NELL1: variants seen among roughly 807,000 people sequenced by gnomAD.
The protein encoded by NELL1 is neural EGFL like 1.
Under a neutral mutation model 107.4 loss-of-function variants are expected in NELL1, and 76 were observed. That is an observed-to-expected ratio of 0.71 (90% confidence interval 0.59 to 0.86). NELL1 has a LOEUF of 0.86. Ranked by LOEUF, NELL1 falls within the 40% of genes least tolerant of loss-of-function variation. The pLI, the probability that NELL1 is intolerant of heterozygous loss-of-function variation, is 0.00. For synonymous variants in NELL1, 353 were observed against 341.2 expected (o/e 1.03, Z -0.38); for missense variants, 1,024 against 1,005.5 (o/e 1.02, Z -0.25).
chr11:20,914,082 C>T (rs1359473109), intron 5 of NELL1, among the ~76,000 whole-genome samples: 1 of 152,078 alleles, frequency 6.6e-6, no homozygotes, highest in Non-Finnish European at 1.5e-5. Context: ...TTTTTACCTA[C>T]AGCATATTGT....
At chr11:20,929,703 G>A (rs1414283140) in intron 9 of NELL1, among the ~76,000 whole-genome samples, 2 of 152,126 alleles carry the variant, frequency 1.3e-5, no homozygotes, top group Admixed American at 1.3e-4. Flanking sequence ...CAAGCACAGT[G>A]GCTCACGCTT....
intron 2 of NELL1, among the ~76,000 whole-genome samples, chr11:20,716,323 A>G (rs146423491): frequency 2.0e-4 from 30 of 152,344 alleles, no homozygotes; most frequent in Admixed American, 3.9e-4. Context: ...TTGACAAGGA[A>G]CTATTTTACA....
chr11:21,002,319 A>G (rs141269651), intron 12 of NELL1, among the ~76,000 whole-genome samples: 1 of 57,336 alleles, frequency 1.7e-5, no homozygotes, highest in African/African-American at 2.1e-4. Context: ...CTTTTGTAAA[A>G]GGAAAGTCTG....
At chr11:20,928,979 G>C (rs1243307348) in intron 9 of NELL1, among the ~76,000 whole-genome samples, 1 of 152,164 alleles carries the variant, frequency 6.6e-6, no homozygotes, top group Non-Finnish European at 1.5e-5. Context: ...AGAACATGTG[G>C]TATGTTCCAT....
intron 14 of NELL1, among the ~76,000 whole-genome samples, chr11:21,317,600 C>T (rs1947420): frequency 0.017 from 2,521 of 151,820 alleles, 61 homozygotes; most frequent in African/African-American, 0.058. Flanking sequence ...GCAGACCCTT[C>T]CTTGCGGCAT....
At chr11:21,188,661 G>T (rs891606766) in intron 13 of NELL1, among the ~76,000 whole-genome samples, 7 of 151,744 alleles carry the variant, frequency 4.6e-5, no homozygotes, top group African/African-American at 1.7e-4. Flanking sequence ...ATACAGTGAG[G>T]CACAGTGGAT....
intron 2 of NELL1, among the ~76,000 whole-genome samples, chr11:20,716,780 T>C (rs1191585687): frequency 6.6e-6 from 1 of 152,238 alleles, no homozygotes; most frequent in African/African-American, 2.4e-5. Context: ...AGAGTGTCTA[T>C]TTCATAGTAT....
chr11:21,189,783 G>A (rs536289211), intron 13 of NELL1, among the ~76,000 whole-genome samples: 5 of 151,088 alleles, frequency 3.3e-5, no homozygotes, highest in South Asian at 4.2e-4. Context: ...CTCAGTTAAG[G>A]TCTAAGTCCT....
intron 12 of NELL1, among the ~76,000 whole-genome samples, chr11:21,025,115 T>C (rs1223205243): frequency 6.6e-6 from 1 of 152,110 alleles, no homozygotes; most frequent in Non-Finnish European, 1.5e-5. Flanking sequence ...CTTTTATTGT[T>C]GGTTAGGTTG....
At chr11:21,082,722 CA>C (rs948985192) in intron 12 of NELL1, among the ~76,000 whole-genome samples, 2 of 152,002 alleles carry the variant, frequency 1.3e-5, no homozygotes, top group South Asian at 2.1e-4. Context: ...CCCCTCCCCC[CA>C]AAAAAACAGT....
At chr11:21,077,785 CATAA>C (rs2134389544) in intron 12 of NELL1, among the ~76,000 whole-genome samples, 1 of 149,040 alleles carries the variant, frequency 6.7e-6, no homozygotes, top group African/African-American at 2.5e-5. Context: ...CATACTGTAA[CATAA>C]ATAAATAACA....
At chr11:21,018,208 C>G (rs1288618935) in intron 12 of NELL1, among the ~76,000 whole-genome samples, 1 of 152,026 alleles carries the variant, frequency 6.6e-6, no homozygotes, top group Non-Finnish European at 1.5e-5. Flanking sequence ...TCTTATTTCT[C>G]TTGGCATTTC....
At chr11:20,688,458 T>G (rs1402462128) in intron 2 of NELL1, among the ~76,000 whole-genome samples, 6 of 152,148 alleles carry the variant, frequency 3.9e-5, no homozygotes, top group Admixed American at 3.9e-4. Context: ...TAGCTCCCAC[T>G]TATAAGTGAG....
intron 12 of NELL1, among the ~76,000 whole-genome samples, chr11:21,048,585 G>A (rs1470588020): frequency 6.6e-6 from 1 of 151,914 alleles, no homozygotes; most frequent in Non-Finnish European, 1.5e-5. Flanking sequence ...TTAATTTTCT[G>A]GCACCTGTGA....
At chr11:21,064,427 G>A (rs1516750) in intron 12 of NELL1, among the ~76,000 whole-genome samples, 123,571 of 152,004 alleles carry the variant, frequency 0.81, 50,923 homozygotes, top group East Asian at 1. Context: ...GGGGGTGACA[G>A]TCGGTCAGGT....
chr11:21,280,159 A>T (rs760419598), intron 14 of NELL1, among the ~76,000 whole-genome samples: 1 of 152,176 alleles, frequency 6.6e-6, no homozygotes, highest in African/African-American at 2.4e-5. Flanking sequence ...CATTGGTCCA[A>T]ACCTGTACAA....
chr11:21,062,316 TA>T (rs1451164810), intron 12 of NELL1, among the ~76,000 whole-genome samples: 1 of 152,190 alleles, frequency 6.6e-6, no homozygotes, highest in Non-Finnish European at 1.5e-5. Context: ...TAACGGTGAT[TA>T]CTGAAAAACT....
chr11:21,306,496 T>C (rs1486060295), intron 14 of NELL1, among the ~76,000 whole-genome samples: 2 of 152,006 alleles, frequency 1.3e-5, no homozygotes, highest in Admixed American at 1.3e-4. Context: ...ACATCTGTTT[T>C]CCACATATAC....
chr11:20,924,994 T>G (rs1041009841), intron 7 of NELL1, among the ~76,000 whole-genome samples: 2 of 152,202 alleles, frequency 1.3e-5, no homozygotes, highest in Non-Finnish European at 2.9e-5. Flanking sequence ...TGTGAATGAA[T>G]TGATGTTTAG....
Sources: allele counts gnomAD v4.1 joint callset (sites outside exome capture counted in the v4.1 genomes callset), GRCh38; gene constraint gnomAD v4.1.1; transcripts MANE v1.5; gene names NCBI Gene and HGNC (gene_info 2026-07-23, HGNC 2026-07-21).